NF2: variants seen among roughly 807,000 people sequenced by gnomAD.
NF2 encodes merlin.
Under a neutral mutation model 83.7 loss-of-function variants are expected in NF2, and 8 were observed. The observed-to-expected ratio is 0.10, with a 90% CI of 0.06 to 0.17. The LOEUF is 0.17. NF2 is among the 10% of genes least tolerant of loss of function. NF2 has a pLI of 1.00. For missense variants in NF2, 533 were observed against 744.4 expected (o/e 0.72, Z 3.31); for synonymous variants, 266 against 269.6 (o/e 0.99, Z 0.13).
At position 29,646,070 on chromosome 22, in the gene NF2, C is replaced by T. The variant is rs573855497; in HGVS notation, c.447+3785C>T. Among the ~76,000 whole-genome samples, 5 of 152,262 alleles carry T rather than the reference C, an allele frequency of 3.3e-5. No homozygotes were observed. In the South Asian group the frequency reaches 1.0e-3, roughly 32 times the overall value. Reference sequence around the variant, plus strand: ...TAATATTAATAAGATCTTACATGCCCATAGTGTTTTCTAGTTTTACCAAAG... The same window carrying T: ...TAATATTAATAAGATCTTACATGCCTATAGTGTTTTCTAGTTTTACCAAAG... On this transcript the variant is annotated intron_variant, in intron 4 of 15. Coordinates refer to ENST00000338641, the MANE Select transcript of NF2 (RefSeq NM_000268.4).
rs534817623 is a variant in NF2 at position 29,609,796 on chromosome 22, G to T, written c.114+5684G>T. Among the ~76,000 whole-genome samples, 3 of 152,218 alleles carry T rather than the reference G, an allele frequency of 2.0e-5. No individual in the cohort carries two copies. The East Asian group carries it at 5.8e-4, about 29-fold the overall frequency. ...CTGCATTAAGGGTACAAACAGAAAAGTGTCTTAATGTCTAAGGAGGGCATA... is the reference window on the plus strand; with the variant it reads ...CTGCATTAAGGGTACAAACAGAAAATTGTCTTAATGTCTAAGGAGGGCATA... On this transcript the variant is annotated intron_variant, in intron 1 of 15. Coordinates refer to ENST00000338641, the MANE Select transcript of NF2 (RefSeq NM_000268.4).
chr22:29,625,916 T>C (rs914174297), intron 1 of NF2, among the ~76,000 whole-genome samples: 8 of 152,204 alleles, frequency 5.3e-5, no homozygotes, highest in Admixed American at 1.3e-4. Flanking sequence ...CTTATAGCTT[T>C]TCCCTCCACC....
intron 15 of NF2, chr22:29,682,994 T>G: frequency 5.6e-6 from 9 of 1,614,190 alleles, no homozygotes; most frequent in Non-Finnish European, 7.6e-6. Flanking sequence ...GTTTTTGTTT[T>G]TCTTCATTTT....
chr22:29,648,167 G>A (rs2146935936), intron 4 of NF2, among the ~76,000 whole-genome samples: 1 of 129,824 alleles, frequency 7.7e-6, no homozygotes, highest in African/African-American at 2.9e-5. Context: ...AATAAATAAA[G>A]TAAAAAAATT....
chr22:29,693,201 A>T (rs144050309), intron 15 of NF2, among the ~76,000 whole-genome samples: 1 of 152,150 alleles, frequency 6.6e-6, no homozygotes, highest in East Asian at 1.9e-4. Flanking sequence ...TTCTCCTCTG[A>T]TTACATTTAG....
chr22:29,666,096 A>G lies in NF2; in HGVS notation c.885+1032A>G, dbSNP rs1046680147. On this transcript the variant is annotated intron_variant, in intron 9 of 15. Coordinates refer to ENST00000338641, the MANE Select transcript of NF2 (RefSeq NM_000268.4). ...ATAGTCTGTTCATTCTCACCTCTGT[A>G]GCACTCTGTTATATATTTTTCTGAT... Among the ~76,000 whole-genome samples the G allele has an allele frequency of 6.6e-5, 10 of 151,738 alleles. No homozygotes were observed. In the South Asian group the frequency reaches 1.2e-3, roughly 19 times the overall value.
chr22:29,671,156 G>A (rs1385492164), intron 10 of NF2, among the ~76,000 whole-genome samples: 3 of 152,104 alleles, frequency 2.0e-5, no homozygotes, highest in Admixed American at 1.3e-4. Flanking sequence ...GCATCCCATC[G>A]GCCATGGGGC....
intron 12 of NF2, among the ~76,000 whole-genome samples, chr22:29,674,013 G>A (rs1275781927): frequency 6.6e-6 from 1 of 152,180 alleles, no homozygotes; most frequent in Non-Finnish European, 1.5e-5. Flanking sequence ...GTTGAAGGAT[G>A]GAACTGTTGT....
chr22:29,604,167 A>T, intron 1 of NF2, 55 bp downstream of exon 1: 2 of 1,393,444 alleles, frequency 1.4e-6, no homozygotes, highest in South Asian at 1.2e-5. Context: ...GAAGCTCGAG[A>T]GGTTCTCTTT....
At chr22:29,616,745 GAAA>G (rs76401799) in intron 1 of NF2, among the ~76,000 whole-genome samples, 2 of 85,698 alleles carry the variant, frequency 2.3e-5, no homozygotes. Flanking sequence ...TCCGTCTCAA[GAAA>G]AAAAAAAAAA....
chr22:29,663,438 T>C (rs1569299012), intron 8 of NF2, among the ~76,000 whole-genome samples: 1 of 152,186 alleles, frequency 6.6e-6, no homozygotes, highest in Non-Finnish European at 1.5e-5. Context: ...ATAAAAGAAG[T>C]AGTCTTGGTA....
intron 6 of NF2, among the ~76,000 whole-genome samples, chr22:29,656,861 C>T (rs1246010235): frequency 8.8e-6 from 1 of 114,260 alleles, no homozygotes; most frequent in Admixed American, 1.2e-4. Flanking sequence ...CCCCCACCCC[C>T]AGTCTATCCT....
intron 4 of NF2, among the ~76,000 whole-genome samples, chr22:29,651,648 C>T (rs558590323): frequency 3.9e-5 from 6 of 152,352 alleles, no homozygotes; most frequent in South Asian, 4.1e-4. Context: ...CAGACACATA[C>T]ATCAAGGTGG....
chr22:29,677,360 AG>A (rs2147103942), intron 13 of NF2, among the ~76,000 whole-genome samples: 1 of 152,206 alleles, frequency 6.6e-6, no homozygotes, highest in African/African-American at 2.4e-5. Context: ...TGGGATAGGC[AG>A]GGGTACAGAG....
intron 7 of NF2, among the ~76,000 whole-genome samples, chr22:29,659,464 G>A (rs777849901): frequency 3.2e-4 from 49 of 152,176 alleles, no homozygotes; most frequent in Non-Finnish European, 6.3e-4. Flanking sequence ...GTGCCTGGCT[G>A]AAAAGGTTTC....
chr22:29,645,407 T>C (rs2065955741), intron 4 of NF2, among the ~76,000 whole-genome samples: 1 of 152,194 alleles, frequency 6.6e-6, no homozygotes, highest in South Asian at 2.1e-4. Flanking sequence ...ATTTTGTGCC[T>C]CCAATATTCT....
intron 4 of NF2, among the ~76,000 whole-genome samples, chr22:29,643,923 AC>A (rs1190837166): frequency 2.2e-5 from 3 of 137,318 alleles, no homozygotes; most frequent in Admixed American, 7.3e-5. Context: ...CGGGGGGCTG[AC>A]CCCCCAACCT....
In NF2 at chr22:29,642,184, C is replaced by A. The variant is rs1330311141; in HGVS notation, c.364-18C>A. ...TTCCACTCACAGAGTATCATGTCTCCCTTGTTGCTCCTTTCAGGTAAAGAA... is the reference window on the plus strand; with the variant it reads ...TTCCACTCACAGAGTATCATGTCTCACTTGTTGCTCCTTTCAGGTAAAGAA... On this transcript the variant is annotated intron_variant, in intron 3 of 15. Coordinates refer to ENST00000338641, the MANE Select transcript of NF2 (RefSeq NM_000268.4). 1.9e-6 allele frequency: 3 copies of A among 1,602,840 alleles called. No homozygotes were observed. The highest frequency in any genetic ancestry group is 2.6e-6 in the Non-Finnish European group (3 of 1,169,850).
At chr22:29,642,366 G>T in intron 4 of NF2, 81 bp downstream of exon 4, 1 of 1,171,028 alleles carries the variant, frequency 8.5e-7, no homozygotes. Context: ...CTTTCTTTGG[G>T]TTTTCTGTAC....
Sources: allele counts gnomAD v4.1 joint callset (sites outside exome capture counted in the v4.1 genomes callset), GRCh38; gene constraint gnomAD v4.1.1; transcripts MANE v1.5; gene names NCBI Gene and HGNC (gene_info 2026-07-23, HGNC 2026-07-21).